Variants in BRINP3 observed in about 807,000 individuals in gnomAD.
BRINP3 encodes BMP/retinoic acid inducible neural specific 3.
A neutral mutation model predicts 71.0 loss-of-function variants in BRINP3; 19 were observed. That is an observed-to-expected ratio of 0.27 (90% CI 0.19 to 0.39). The LOEUF (loss-of-function observed/expected upper bound fraction) is 0.39, where lower values mean the gene tolerates loss of function less well. BRINP3 is among the 10% of genes least tolerant of loss of function. BRINP3 has a pLI of 1.00. For synonymous variants in BRINP3, 380 were observed against 337.7 expected, an observed-to-expected ratio of 1.13 and a Z score of -1.37; for missense variants, 959 against 940.8, an observed-to-expected ratio of 1.02 and a Z score of -0.25.
intron 2 of BRINP3, among the ~76,000 whole-genome samples, chr1:190,327,695 T>C (rs949100872): frequency 1.3e-5 from 2 of 152,144 alleles, no homozygotes; most frequent in Non-Finnish European, 2.9e-5. Flanking sequence ...TACACAGTAA[T>C]AGTGGGGGAC....
chr1:190,097,899 G>C lies in BRINP3; in HGVS notation c.*119C>G. ...GTGTAAATTGCCATCCAATGTTATT[G>C]ACTGATATAAGACAGATATTGAAAA... On this transcript the variant is annotated 3_prime_UTR_variant, in exon 8 of 8. Transcript: ENST00000367462. The C allele has an allele frequency of 1.8e-6, 2 of 1,103,838 alleles. No homozygotes were observed. Among genetic ancestry groups the C allele is most frequent in the Non-Finnish European group, 2.6e-6 (2 of 775,610 alleles). 68.4% of individuals were successfully genotyped at this position (1,103,838 alleles called of 1,614,324 possible).
At chr1:190,286,056 T>C (rs1571633167) in intron 2 of BRINP3, among the ~76,000 whole-genome samples, 1 of 152,150 alleles carries the variant, frequency 6.6e-6, no homozygotes, top group African/African-American at 2.4e-5. Flanking sequence ...TCAGTCCTTT[T>C]CAAGACACCA....
intron 2 of BRINP3, among the ~76,000 whole-genome samples, chr1:190,442,886 T>C (rs889932101): frequency 1.3e-5 from 2 of 150,842 alleles, no homozygotes; most frequent in Non-Finnish European, 3.0e-5. Flanking sequence ...TACTTTCAAA[T>C]ATTGTGGAAG....
intron 2 of BRINP3, among the ~76,000 whole-genome samples, chr1:190,438,548 T>C (rs1674618570): frequency 6.6e-6 from 1 of 151,902 alleles, no homozygotes; most frequent in African/African-American, 2.4e-5. Flanking sequence ...TTGTAGCTTA[T>C]GCTGACTTTG....
At chr1:190,278,562 T>A (rs1662795602) in intron 3 of BRINP3, among the ~76,000 whole-genome samples, 1 of 151,680 alleles carries the variant, frequency 6.6e-6, no homozygotes, top group Non-Finnish European at 1.5e-5. Context: ...TTTAAATAAT[T>A]TCATGCATCT....
chr1:190,250,784 A>C (rs1052698312), intron 4 of BRINP3, among the ~76,000 whole-genome samples: 2 of 151,938 alleles, frequency 1.3e-5, no homozygotes, highest in Non-Finnish European at 2.9e-5. Flanking sequence ...TGTTCTACAA[A>C]CCTCTTTTCC....
chr1:190,342,576 A>T (rs1667736550), intron 2 of BRINP3: 1 of 151,156 alleles, frequency 6.6e-6, no homozygotes. Flanking sequence ...TCCAAGTAAG[A>T]TGTTTATATT....
At chr1:190,384,387 A>T (rs1670749561) in intron 2 of BRINP3, among the ~76,000 whole-genome samples, 1 of 151,866 alleles carries the variant, frequency 6.6e-6, no homozygotes, top group Admixed American at 6.6e-5. Context: ...TAAGTAATGA[A>T]AACTGATCTA....
chr1:190,205,867 A>G (rs1655449496), intron 6 of BRINP3, among the ~76,000 whole-genome samples: 1 of 152,186 alleles, frequency 6.6e-6, no homozygotes, highest in East Asian at 1.9e-4. Context: ...ATGGGCCTCT[A>G]TTATGAGTCA....
chr1:190,356,567 C>T (rs1366170341), intron 2 of BRINP3, among the ~76,000 whole-genome samples: 2 of 152,044 alleles, frequency 1.3e-5, no homozygotes, highest in Middle Eastern at 6.8e-3. Flanking sequence ...CACTAACTTT[C>T]CCTCTCTTAT....
At chr1:190,148,062 G>C (rs1279716653) in intron 7 of BRINP3, among the ~76,000 whole-genome samples, 1 of 152,104 alleles carries the variant, frequency 6.6e-6, no homozygotes, top group East Asian at 1.9e-4. Flanking sequence ...GATGAACTAA[G>C]AAAAACTGAA....
At chr1:190,249,575 A>G (rs9787145) in intron 4 of BRINP3, among the ~76,000 whole-genome samples, 89,714 of 151,564 alleles carry the variant, frequency 0.59, 26,762 homozygotes, top group Admixed American at 0.69. Flanking sequence ...AAATAGTAAT[A>G]TATTATGTCA....
At chr1:190,143,223 G>T (rs536867805) in intron 7 of BRINP3, among the ~76,000 whole-genome samples, 1 of 152,160 alleles carries the variant, frequency 6.6e-6, no homozygotes, top group African/African-American at 2.4e-5. Context: ...GCAAAACTCA[G>T]ACTGAAGTTA....
At chr1:190,233,246 G>T (rs1658176859) in intron 5 of BRINP3, among the ~76,000 whole-genome samples, 1 of 152,114 alleles carries the variant, frequency 6.6e-6, no homozygotes, top group African/African-American at 2.4e-5. Flanking sequence ...ACAGTGGAGT[G>T]CGGTGGTGTG....
intron 2 of BRINP3, among the ~76,000 whole-genome samples, chr1:190,412,689 C>G (rs1048402096): frequency 6.6e-6 from 1 of 151,334 alleles, no homozygotes; most frequent in African/African-American, 2.4e-5. Context: ...GTCTCGATCT[C>G]CTGACCTCGT....
At chr1:190,350,579 A>G (rs1291906309) in intron 2 of BRINP3, among the ~76,000 whole-genome samples, 2 of 152,182 alleles carry the variant, frequency 1.3e-5, no homozygotes. Flanking sequence ...ACTGAGAGAA[A>G]GAAAAATGAG....
intron 2 of BRINP3, among the ~76,000 whole-genome samples, chr1:190,430,547 T>G (rs1304877517): frequency 6.6e-6 from 1 of 152,108 alleles, no homozygotes; most frequent in Non-Finnish European, 1.5e-5. Context: ...AGTCCCAATT[T>G]TGGGTAGAGA....
At chr1:190,310,156 T>G (rs903534148) in intron 2 of BRINP3, among the ~76,000 whole-genome samples, 17 of 151,258 alleles carry the variant, frequency 1.1e-4, no homozygotes, top group Non-Finnish European at 1.6e-4. Flanking sequence ...GTTTCCCCTT[T>G]CAAATAACAC....
intron 2 of BRINP3, among the ~76,000 whole-genome samples, chr1:190,428,444 C>T (rs1036248786): frequency 1.3e-5 from 2 of 151,750 alleles, no homozygotes; most frequent in Non-Finnish European, 2.9e-5. Flanking sequence ...CAAAAAAACT[C>T]GTATTTTTTT....
Sources: gnomAD v4.1 joint callset for allele counts (sites outside exome capture counted in the v4.1 genomes callset) on GRCh38, gnomAD v4.1.1 for gene constraint, MANE v1.5 for transcripts, NCBI Gene and HGNC (gene_info 2026-07-23, HGNC 2026-07-21) for gene names.